Variants in PCDHGB1 observed in about 807,000 individuals in gnomAD.
The protein encoded by PCDHGB1 is protocadherin gamma-B1.
Under a neutral mutation model 56.6 loss-of-function variants are expected in PCDHGB1, and 34 were observed. That is an observed-to-expected ratio of 0.60 (90% confidence interval 0.46 to 0.80). The LOEUF is 0.80. PCDHGB1 is among the 30% of genes least tolerant of loss of function. The probability of loss-of-function intolerance (pLI) is 0.00; values close to 1 mark genes in which losing one functional copy is unlikely to be tolerated. For synonymous variants in PCDHGB1, 561 were observed against 505.9 expected (o/e 1.11, Z -1.46); for missense variants, 1,278 against 1,204.6 (o/e 1.06, Z -0.90).
In PCDHGB1 at chr5:141,371,800, C is replaced by T. The variant is rs770172046; in HGVS notation, c.2409+19131C>T. On this transcript the variant is annotated intron_variant, in intron 1 of 3. Transcript: ENST00000523390. ...GTAGCTGAGAACAATCCGCCTGGAGCCTCCATTGCGCATGTCAGAGCCTCG... is the reference window on the plus strand; with the variant it reads ...GTAGCTGAGAACAATCCGCCTGGAGTCTCCATTGCGCATGTCAGAGCCTCG... 3.7e-6 allele frequency: 6 copies of T among 1,613,760 alleles called. No individual in the cohort carries two copies. In the Admixed American group the frequency reaches 1.0e-4, roughly 27 times the overall value.
intron 1 of PCDHGB1, among the ~76,000 whole-genome samples, chr5:141,469,739 A>G (rs1352751978): frequency 1.3e-5 from 2 of 152,262 alleles, no homozygotes; most frequent in African/African-American, 4.8e-5. Flanking sequence ...TACACACCTC[A>G]AAAATTACAA....
intron 1 of PCDHGB1, among the ~76,000 whole-genome samples, chr5:141,492,781 T>A (rs945023154): frequency 6.6e-6 from 1 of 152,194 alleles, no homozygotes; most frequent in African/African-American, 2.4e-5. Context: ...TGAGTGAGCC[T>A]CTATAGGACA....
intron 2 of PCDHGB1, among the ~76,000 whole-genome samples, chr5:141,501,956 A>G (rs527567012): frequency 6.6e-6 from 1 of 152,136 alleles, no homozygotes; most frequent in Non-Finnish European, 1.5e-5. Context: ...GTGACAGGTC[A>G]TCCTCCTAAC....
chr5:141,351,121 C>T lies in PCDHGB1; in HGVS notation c.861C>T (p.Leu287=), dbSNP rs940356720. ...TCAATTCCCCAATAAGTACCAGCCT[C>T]TTCAATCTCAATCCAAATACTGGCG... ...AFLNSPISTS[L]FNLNPNTGDI... Residue 287 remains leucine (L), a synonymous_variant, in exon 1 of 4, where the codon CTC becomes CTT. Coordinates refer to ENST00000523390, the MANE Select transcript of PCDHGB1 (RefSeq NM_018922.3). 6.2e-6 allele frequency: 10 copies of T among 1,614,066 alleles called. No homozygotes were observed. Among genetic ancestry groups the T allele is most frequent in the Admixed American group, 3.3e-5 (2 of 60,030 alleles).
intron 1 of PCDHGB1, chr5:141,357,273 C>T (rs111314276): frequency 6.2e-7 from 1 of 1,613,852 alleles, no homozygotes. Context: ...GCCTCACACT[C>T]TATCTCGTGG....
intron 1 of PCDHGB1, chr5:141,398,685 G>T: frequency 6.2e-7 from 1 of 1,613,966 alleles, no homozygotes; most frequent in Non-Finnish European, 8.5e-7. Flanking sequence ...AGGAGAAACA[G>T]GATGGTAGTA....
At chr5:141,471,901 G>C (rs1224804131) in intron 1 of PCDHGB1, among the ~76,000 whole-genome samples, 1 of 152,146 alleles carries the variant, frequency 6.6e-6, no homozygotes, top group Non-Finnish European at 1.5e-5. Context: ...ATTGACTACA[G>C]ACAAGCATGA....
At chr5:141,388,492 A>G (rs2091380241) in intron 1 of PCDHGB1, 7 of 1,613,742 alleles carry the variant, frequency 4.3e-6, no homozygotes, top group South Asian at 1.1e-5. Flanking sequence ...TTGGACAGAG[A>G]AAAGCAGAAA....
chr5:141,351,487 G>A lies in PCDHGB1; in HGVS notation c.1227G>A (p.Glu409=). Residue 409 remains glutamate (E), a synonymous_variant, in exon 1 of 4, where the codon GAG becomes GAA. Transcript: ENST00000523390. ...KLVIAGALNR[E]QTADYNVTII... ...TGATTGCTGGAGCCCTAAACCGGGA[G>A]CAGACAGCAGACTACAACGTCACAA... The A allele has an allele frequency of 6.2e-7, 1 of 1,613,946 alleles. No individual in the cohort carries two copies. The highest frequency in any genetic ancestry group is 8.5e-7 in the Non-Finnish European group (1 of 1,179,852).
At position 141,422,164 on chromosome 5, in the gene PCDHGB1, T is replaced by C. The variant is rs2096630287; in HGVS notation, c.2409+69495T>C. 2 of 1,568,668 alleles carry C rather than the reference T, an allele frequency of 1.3e-6. No homozygotes were observed. Among genetic ancestry groups the C allele is most frequent in the Non-Finnish European group, 1.7e-6 (2 of 1,162,894 alleles). On this transcript the variant is annotated intron_variant, in intron 1 of 3. Coordinates refer to ENST00000523390, the MANE Select transcript of PCDHGB1 (RefSeq NM_018922.3). ...ACGGGGGTCTCTGGATTTTGAAAAA[T>C]ATAGATTCTATGAGATGGAAATTCA... is the stretch of plus-strand genomic sequence containing the variant.
chr5:141,480,250 A>T (rs2099515553), intron 1 of PCDHGB1, among the ~76,000 whole-genome samples: 2 of 151,988 alleles, frequency 1.3e-5, no homozygotes, highest in African/African-American at 4.8e-5. Context: ...CAAAAAAAAA[A>T]AAAAATGTGT....
chr5:141,351,920 A>T lies in PCDHGB1; in HGVS notation c.1660A>T (p.Asn554Tyr). 1 of 1,613,316 alleles carries T rather than the reference A, an allele frequency of 6.2e-7. No individual in the cohort carries two copies. Among genetic ancestry groups the T allele is most frequent in the Non-Finnish European group, 8.5e-7 (1 of 1,179,740 alleles). The change falls in exon 1 of 4, where the codon AAT becomes TAT. Residue 554 changes from asparagine to tyrosine, a missense_variant. By Grantham distance (143) the Asn-to-Tyr change is moderately radical. Coordinates refer to ENST00000523390, the MANE Select transcript of PCDHGB1 (RefSeq NM_018922.3). Reference sequence around the variant, plus strand: ...CGTGTTGGTGGGCGACCTCAATGACAATGCGCCACGGGTGCTGTACCCCGC... The same window carrying T: ...CGTGTTGGTGGGCGACCTCAATGACTATGCGCCACGGGTGCTGTACCCCGC... Reference protein sequence around the residue: ...LRVLVGDLNDNAPRVLYPALG... With the variant: ...LRVLVGDLNDYAPRVLYPALG...
At chr5:141,484,968 C>A (rs2099604490) in intron 1 of PCDHGB1, 2 of 585,734 alleles carry the variant, frequency 3.4e-6, no homozygotes, top group African/African-American at 3.7e-5. Context: ...GCCCGGGAGC[C>A]GCTGTCTGCC....
Position 141,351,310 on chromosome 5 carries a change from C to A in PCDHGB1, c.1050C>A (p.Asn350Lys). The A allele has an allele frequency of 6.2e-7, 1 of 1,613,816 alleles. No homozygotes were observed. The highest frequency in any genetic ancestry group is 8.5e-7 in the Non-Finnish European group (1 of 1,179,804). Residue 350 changes from asparagine to lysine, a missense_variant, in exon 1 of 4, where the codon AAC becomes AAA. Physicochemically the swap from Asn to Lys is moderately conservative, Grantham distance 94. Coordinates refer to ENST00000523390, the MANE Select transcript of PCDHGB1 (RefSeq NM_018922.3). ...AGGTGACATTCATGTCCTTCTCTAA[C>A]CAGATTCCAGAGGATTCAGACCTTG... ...APEVTFMSFS[N>K]QIPEDSDLGT...
At chr5:141,429,489 A>G (rs2097218567) in intron 1 of PCDHGB1, among the ~76,000 whole-genome samples, 1 of 152,062 alleles carries the variant, frequency 6.6e-6, no homozygotes, top group South Asian at 2.1e-4. Context: ...AGCTGAGACT[A>G]CAGTTGCCTG....
At chr5:141,448,921 G>A (rs1323304761) in intron 1 of PCDHGB1, among the ~76,000 whole-genome samples, 3 of 152,120 alleles carry the variant, frequency 2.0e-5, no homozygotes, top group Admixed American at 1.3e-4. Flanking sequence ...CTCCAGCCTG[G>A]GCGACAGAGC....
At chr5:141,355,405 A>G (rs759129732) in intron 1 of PCDHGB1, 1 of 1,613,982 alleles carries the variant, frequency 6.2e-7, no homozygotes, top group African/African-American at 1.3e-5. Flanking sequence ...CATCGTCTCC[A>G]GAGGTAGGAC....
At chr5:141,413,498 T>G (rs1187570193) in intron 1 of PCDHGB1, 1 of 1,614,026 alleles carries the variant, frequency 6.2e-7, no homozygotes, top group Admixed American at 1.7e-5. Context: ...CGGTGCGTGG[T>G]GAGTTTTAAT....
intron 1 of PCDHGB1, chr5:141,418,454 A>G (rs1211470387): frequency 3.1e-6 from 5 of 1,613,774 alleles, no homozygotes; most frequent in Non-Finnish European, 3.4e-6. Flanking sequence ...ATTGCAGAAG[A>G]CTCTGGACCG....
Sources: gnomAD v4.1 joint callset for allele counts (sites outside exome capture counted in the v4.1 genomes callset) on GRCh38, gnomAD v4.1.1 for gene constraint, MANE v1.5 for transcripts, NCBI Gene and HGNC (gene_info 2026-07-23, HGNC 2026-07-21) for gene names.